CTNND2: variants seen among roughly 807,000 people sequenced by gnomAD.
The protein encoded by CTNND2 is catenin delta 2, also known as catenin delta-2.
A neutral mutation model predicts 144.4 loss-of-function variants in CTNND2; 22 were observed. The ratio of observed to expected loss-of-function variants is 0.15; its 90% confidence interval spans 0.11 to 0.22. The LOEUF (loss-of-function observed/expected upper bound fraction) is 0.22, where lower values mean the gene tolerates loss of function less well. CTNND2 is among the 10% of genes least tolerant of loss of function. The pLI, the probability that CTNND2 is intolerant of heterozygous loss-of-function variation, is 1.00. For missense variants in CTNND2, 1,353 were observed against 1,618.8 expected, an observed-to-expected ratio of 0.84 and a Z score of 2.82; for synonymous variants, 751 against 695.6, an observed-to-expected ratio of 1.08 and a Z score of -1.25.
chr5:11,394,935 G>T (rs933389190), intron 6 of CTNND2, among the ~76,000 whole-genome samples: 2 of 152,082 alleles, frequency 1.3e-5, no homozygotes, highest in Admixed American at 6.6e-5. Context: ...TGTTTTGATT[G>T]ATTATTGACC....
intron 2 of CTNND2, among the ~76,000 whole-genome samples, chr5:11,641,553 G>A (rs1405114954): frequency 7.6e-6 from 1 of 130,790 alleles, no homozygotes; most frequent in Admixed American, 7.2e-5. Context: ...ATACATATGG[G>A]ATATGTACAT....
At chr5:11,312,230 T>C (rs1751047108) in intron 9 of CTNND2, among the ~76,000 whole-genome samples, 1 of 102,230 alleles carries the variant, frequency 9.8e-6, no homozygotes, top group African/African-American at 3.9e-5. Context: ...CCATACAGCC[T>C]CACCCCACAC....
Position 11,559,463 on chromosome 5 carries a change from C to T in CTNND2, c.287+5481G>A, listed in dbSNP as rs192830423. 4.1e-3 allele frequency among the ~76,000 whole-genome samples: 630 copies of T among 152,298 alleles called. 17 individuals carry two copies. Among genetic ancestry groups the T allele is most frequent in the Non-Finnish European group, 1.0e-3 (71 of 68,030 alleles). ...ACCACATAAAATGAATTTAGCACGA[C>T]GCTTTAAACTGTGATCCCTTCAATA... is the stretch of plus-strand genomic sequence containing the variant. On this transcript the variant is annotated intron_variant, in intron 3 of 21. Transcript: ENST00000304623.
At chr5:11,329,781 C>A (rs1752893073) in intron 9 of CTNND2, among the ~76,000 whole-genome samples, 1 of 152,190 alleles carries the variant, frequency 6.6e-6, no homozygotes. Context: ...TCAGCAAATG[C>A]CCGATTCTCA....
At chr5:11,682,996 G>A (rs1167382668) in intron 2 of CTNND2, among the ~76,000 whole-genome samples, 1 of 152,198 alleles carries the variant, frequency 6.6e-6, no homozygotes, top group Non-Finnish European at 1.5e-5. Context: ...TATTGGAACA[G>A]AATACATAGC....
chr5:11,253,813 G>C (rs1743922363), intron 9 of CTNND2, among the ~76,000 whole-genome samples: 1 of 152,116 alleles, frequency 6.6e-6, no homozygotes, highest in Non-Finnish European at 1.5e-5. Flanking sequence ...GTGTTCTCCT[G>C]CCTTAAATCT....
At chr5:11,723,984 G>A (rs1184026676) in intron 2 of CTNND2, among the ~76,000 whole-genome samples, 1 of 152,082 alleles carries the variant, frequency 6.6e-6, no homozygotes, top group East Asian at 1.9e-4. Context: ...GAACCCGGGA[G>A]GCGGACCTTG....
intron 2 of CTNND2, among the ~76,000 whole-genome samples, chr5:11,571,358 A>C (rs1777537467): frequency 6.6e-6 from 1 of 152,172 alleles, no homozygotes; most frequent in Non-Finnish European, 1.5e-5. Context: ...CATCATGCAG[A>C]ATCCCCTGAA....
At chr5:11,152,438 T>C (rs1004288816) in intron 12 of CTNND2, among the ~76,000 whole-genome samples, 1 of 152,252 alleles carries the variant, frequency 6.6e-6, no homozygotes. Flanking sequence ...TCATACAGCC[T>C]AGGCTGTGTC....
In CTNND2 at chr5:11,112,968, C is replaced by T. The variant is rs569626104; in HGVS notation, c.2278-1925G>A. 6.2e-4 allele frequency among the ~76,000 whole-genome samples: 94 copies of T among 152,178 alleles called. 1 individual carries two copies. The highest frequency in any genetic ancestry group is 2.2e-3 in the African/African-American group (90 of 41,520). The stretch of plus-strand genomic sequence containing the variant: ...TCATCCTGGCTAACAAGGTGAAACC[C>T]CGTCTCTACTAAAAATTCAAAAATT... On this transcript the variant is annotated intron_variant, in intron 13 of 21. Coordinates refer to ENST00000304623, the MANE Select transcript of CTNND2 (RefSeq NM_001332.4).
chr5:11,017,905 C>T (rs955637560), intron 18 of CTNND2, 69 bp downstream of exon 18: 15 of 1,222,502 alleles, frequency 1.2e-5, no homozygotes, highest in Middle Eastern at 2.1e-4. Flanking sequence ...GTGCCCTCCA[C>T]GTCTGTGACG....
At chr5:11,464,210 T>C (rs1408581856) in intron 3 of CTNND2, among the ~76,000 whole-genome samples, 2 of 152,174 alleles carry the variant, frequency 1.3e-5, no homozygotes, top group East Asian at 1.9e-4. Context: ...CCATTTGTAG[T>C]TGGGTGAGAC....
chr5:11,277,916 TC>T (rs887634157), intron 9 of CTNND2, among the ~76,000 whole-genome samples: 12 of 151,802 alleles, frequency 7.9e-5, no homozygotes, highest in Non-Finnish European at 1.5e-5. Flanking sequence ...ACCCCATAGC[TC>T]CGGTCTCTCT....
intron 16 of CTNND2, among the ~76,000 whole-genome samples, chr5:11,048,318 C>T (rs1426632096): frequency 6.6e-6 from 1 of 152,230 alleles, no homozygotes; most frequent in East Asian, 1.9e-4. Context: ...GAAGCATAAG[C>T]TATTCCCTGA....
rs527753245 is a variant in CTNND2 at position 11,552,478 on chromosome 5, T to G, written c.287+12466A>C. Among the ~76,000 whole-genome samples the G allele has an allele frequency of 4.6e-5, 7 of 152,364 alleles. No individual in the cohort carries two copies. In the South Asian group the frequency reaches 1.4e-3, roughly 32 times the overall value. ...GAAAGTACTAAATCTCATTACTTTT[T>G]TACTAAAGTTCAATTAATGTCCCCA... On this transcript the variant is annotated intron_variant, in intron 3 of 21. Transcript: ENST00000304623.
chr5:11,742,308 A>G (rs1289080307), intron 1 of CTNND2, among the ~76,000 whole-genome samples: 1 of 152,138 alleles, frequency 6.6e-6, no homozygotes, highest in East Asian at 1.9e-4. Context: ...TAGAGTAGCT[A>G]GAAACATTTA....
chr5:11,433,224 C>A (rs1329549510), intron 3 of CTNND2, among the ~76,000 whole-genome samples: 3 of 138,728 alleles, frequency 2.2e-5, no homozygotes, highest in Admixed American at 2.0e-4. Context: ...CCAGCCTGGG[C>A]AACAGAGCAA....
chr5:11,040,381 T>C (rs992408528), intron 16 of CTNND2, among the ~76,000 whole-genome samples: 4 of 152,170 alleles, frequency 2.6e-5, no homozygotes, highest in Admixed American at 6.5e-5. Flanking sequence ...AGAAATAACA[T>C]TGAATGAGGC....
At chr5:10,995,151 A>G (rs746633990) in intron 18 of CTNND2, among the ~76,000 whole-genome samples, 1 of 152,176 alleles carries the variant, frequency 6.6e-6, no homozygotes, top group Non-Finnish European at 1.5e-5. Context: ...CAGCATATAG[A>G]TATTATTTAA....
Sources: gnomAD v4.1 joint callset for allele counts (sites outside exome capture counted in the v4.1 genomes callset) on GRCh38, gnomAD v4.1.1 for gene constraint, MANE v1.5 for transcripts, NCBI Gene and HGNC (gene_info 2026-07-23, HGNC 2026-07-21) for gene names.